Variants in CETP observed in about 807,000 individuals in gnomAD.
CETP encodes BPI fold containing family F.
CETP carries 56 observed loss-of-function variants against 66.5 expected under a neutral mutation model. That is an observed-to-expected ratio of 0.84 (90% CI 0.68 to 1.05). CETP has a LOEUF of 1.05. Among genes scored for constraint, CETP ranks in the 50% least tolerant of loss-of-function variants. The probability of loss-of-function intolerance (pLI) is 0.00; values close to 1 mark genes in which losing one functional copy is unlikely to be tolerated. For missense variants in CETP, 612 were observed against 609.6 expected (o/e 1.00, Z -0.04); for synonymous variants, 251 against 245.7 (o/e 1.02, Z -0.20).
chr16:56,975,713 C>T (rs1372843491), intron 10 of CETP, among the ~76,000 whole-genome samples: 1 of 147,300 alleles, frequency 6.8e-6, no homozygotes. Context: ...CTGAGTAAGC[C>T]TCCCTCAGCT....
In CETP at chr16:56,971,422, G is replaced by A. The variant is rs772187360; in HGVS notation, c.658+41G>A. The A allele has an allele frequency of 3.8e-6, 6 of 1,590,690 alleles. No homozygotes were observed. In the South Asian group the frequency reaches 5.5e-5, roughly 15 times the overall value. On this transcript the variant is annotated intron_variant, in intron 7 of 15. Transcript: ENST00000200676. ...TCTGCATGCCTCAGAAGACAGCAGT[G>A]GGAGCCAGAAAGCCACCTGCTGCAC...
At chr16:56,974,044 G>T (rs1218194550) in intron 9 of CETP, among the ~76,000 whole-genome samples, 1 of 152,176 alleles carries the variant, frequency 6.6e-6, no homozygotes, top group Non-Finnish European at 1.5e-5. Context: ...TAACTACCAG[G>T]CTTAGGTCAG....
In CETP at chr16:56,977,765, C is replaced by T. The variant is rs1251020597; in HGVS notation, c.982-326C>T. ...TTATCTCATTCCATCCTCAGGACAA[C>T]CCTATGAGGTAGGATCTATGATTAT... is the stretch of plus-strand genomic sequence containing the variant. On this transcript the variant is annotated intron_variant, in intron 10 of 15. Transcript: ENST00000200676. Among the ~76,000 whole-genome samples the T allele has an allele frequency of 1.9e-3, 294 of 152,280 alleles. 2 individuals are homozygous for T. Among genetic ancestry groups the T allele is most frequent in the South Asian group, 3.9e-3 (19 of 4,826 alleles).
rs986933467 is a variant in CETP, at chr16:56,962,303, A to G, written c.118+206A>G. The G allele has an allele frequency of 3.5e-5, 26 of 737,890 alleles. 1 individual carries two copies. The highest frequency in any genetic ancestry group is 3.2e-4 in the South Asian group (23 of 72,366). 45.7% of individuals were successfully genotyped at this position (737,890 alleles called of 1,614,324 possible). ...TTCAAGGTCAAGTTCTTTGGTGAGA[A>G]GGTCCTAGCTGCATTGCAAACAGCC... On this transcript the variant is annotated intron_variant, in intron 1 of 15. Coordinates refer to ENST00000200676, the MANE Select transcript of CETP (RefSeq NM_000078.3).
intron 5 of CETP, among the ~76,000 whole-genome samples, chr16:56,970,408 C>T (rs1158087334): frequency 3.3e-5 from 5 of 152,200 alleles, no homozygotes; most frequent in African/African-American, 1.2e-4. Flanking sequence ...CCAAGCACCA[C>T]ACTAACTCAG....
chr16:56,962,126 C>A, intron 1 of CETP, 29 bp downstream of exon 1: 1 of 1,575,590 alleles, frequency 6.3e-7, no homozygotes. Flanking sequence ...GTCTGCCCTG[C>A]CAGGGGTCTT....
Position 56,983,801 on chromosome 16 carries a change from TC to T in CETP, c.*138del. 1.2e-6 allele frequency: 1 copy of T among 822,644 alleles called. No individual in the cohort carries two copies. Among genetic ancestry groups the T allele is most frequent in the Non-Finnish European group, 2.1e-6 (1 of 477,720 alleles). 51.0% of individuals were successfully genotyped at this position (822,644 alleles called of 1,614,324 possible). ...GAGATGGAGATTGGCTCCCAACTCC[TC>T]CCTATCCTAAAGGCCCACTGGCATT... is the stretch of plus-strand genomic sequence containing the variant. On this transcript the variant is annotated 3_prime_UTR_variant, in exon 16 of 16. Coordinates refer to ENST00000200676, the MANE Select transcript of CETP (RefSeq NM_000078.3).
At chr16:56,966,860 C>T (rs1429980145) in intron 2 of CETP, among the ~76,000 whole-genome samples, 1 of 151,672 alleles carries the variant, frequency 6.6e-6, no homozygotes, top group Non-Finnish European at 1.5e-5. Context: ...GATGATCCAC[C>T]TGCCTCGGCC....
Position 56,969,621 on chromosome 16 carries a change from G to T in CETP, c.379G>T (p.Asp127Tyr), listed in dbSNP as rs1384434858. ...GYTTAWWLGI[D>Y]QSIDFEIDSA... is the part of the protein sequence containing the mutation. ...CTTGGCTCTTTCCAGGCTGGGTATT[G>T]ATCAGTCCATTGACTTCGAGATCGA... The change falls in exon 4 of 16, where the codon GAT (aspartate) becomes TAT (tyrosine). Residue 127 changes from aspartate to tyrosine, a missense_variant. Asp to Tyr is a radical substitution (Grantham distance 160). Coordinates refer to ENST00000200676, the MANE Select transcript of CETP (RefSeq NM_000078.3). 1 of 1,614,154 alleles carries T rather than the reference G, an allele frequency of 6.2e-7. No individual in the cohort carries two copies. Among genetic ancestry groups the T allele is most frequent in the Admixed American group, 1.7e-5 (1 of 60,028 alleles).
intron 2 of CETP, among the ~76,000 whole-genome samples, chr16:56,966,743 G>A (rs2141994471): frequency 6.6e-6 from 1 of 150,974 alleles, no homozygotes; most frequent in South Asian, 2.1e-4. Context: ...GGAACCACAA[G>A]CATATGCCAC....
chr16:56,962,324 C>T, intron 1 of CETP: 1 of 731,626 alleles, frequency 1.4e-6, no homozygotes, highest in Non-Finnish European at 2.5e-6. Flanking sequence ...GCATTGCAAA[C>T]AGCCAGGTAT....
Position 56,981,169 on chromosome 16 carries a change from T to C in CETP, c.1158T>C (p.Thr386=), listed in dbSNP as rs2056184394. The change falls in exon 12 of 16, where the codon ACT becomes ACC. Residue 386 remains threonine (T), a synonymous_variant. Transcript: ENST00000200676. The stretch of plus-strand genomic sequence containing the variant: ...GTTTCTCTCCCCAGGATATCGTGAC[T>C]ACCGTCCAGGCCTCCTATTCTAAGA... The part of the protein sequence containing the change: ...VAYTFEEDIV[T]TVQASYSKKK... 6.2e-7 allele frequency: 1 copy of C among 1,613,300 alleles called. No homozygotes were observed. Among genetic ancestry groups the C allele is most frequent in the South Asian group, 1.1e-5 (1 of 91,076 alleles).
intron 10 of CETP, among the ~76,000 whole-genome samples, chr16:56,976,444 G>T (rs1449533912): frequency 1.3e-5 from 2 of 150,800 alleles, no homozygotes; most frequent in African/African-American, 4.9e-5. Context: ...GAGGTCTTTT[G>T]TCAGCTCTAG....
At chr16:56,971,486 C>A in intron 7 of CETP, 105 bp downstream of exon 7, 1 of 1,002,568 alleles carries the variant, frequency 1.0e-6, no homozygotes, top group Admixed American at 1.7e-5. Context: ...TGTCTAGGTC[C>A]CATGGGCTCT....
rs1225696589 is a variant in CETP at position 56,965,509 on chromosome 16, C to G, written c.233+2385C>G. ...ATTTGGAGTGGGATGGACCCAGGAT[C>G]AAATTCCCTTCTACTGAGGTTTTCT... is the stretch of plus-strand genomic sequence containing the variant. On this transcript the variant is annotated intron_variant, in intron 2 of 15. Coordinates refer to ENST00000200676, the MANE Select transcript of CETP (RefSeq NM_000078.3). Among the ~76,000 whole-genome samples the G allele has an allele frequency of 3.3e-5, 5 of 152,308 alleles. No individual in the cohort carries two copies. In the East Asian group the frequency reaches 9.6e-4, roughly 29 times the overall value.
At chr16:56,967,316 G>C (rs1417124885) in intron 2 of CETP, among the ~76,000 whole-genome samples, 1 of 151,596 alleles carries the variant, frequency 6.6e-6, no homozygotes, top group African/African-American at 2.4e-5. Context: ...CTGCACTCCA[G>C]CCTGGGCAGC....
chr16:56,982,389 G>A, intron 14 of CETP, 152 bp downstream of exon 14: 1 of 773,966 alleles, frequency 1.3e-6, no homozygotes, highest in Non-Finnish European at 2.3e-6. Flanking sequence ...CCTGCTGGTG[G>A]TATTGCACGC....
At chr16:56,965,440 TC>T (rs71383212) in intron 2 of CETP, among the ~76,000 whole-genome samples, 15,518 of 152,170 alleles carry the variant, frequency 0.1, 904 homozygotes, top group African/African-American at 0.16. Flanking sequence ...ATATGTGGAT[TC>T]TCCTTGCTGG....
chr16:56,970,944 A>C, intron 5 of CETP, 89 bp from the exon 6 acceptor site: 2 of 1,222,798 alleles, frequency 1.6e-6, no homozygotes, highest in South Asian at 1.2e-5. Context: ...CAGGGCCAAC[A>C]GAGCCATGAA....
Sources: gnomAD v4.1 joint callset for allele counts (sites outside exome capture counted in the v4.1 genomes callset) on GRCh38, gnomAD v4.1.1 for gene constraint, MANE v1.5 for transcripts, NCBI Gene and HGNC (gene_info 2026-07-23, HGNC 2026-07-21) for gene names.